Variants in F13A1 observed in about 807,000 individuals in gnomAD.
F13A1 encodes coagulation factor XIII A chain, also known as FSF, A subunit.
F13A1 carries 47 observed loss-of-function variants against 80.1 expected under a neutral mutation model. The observed-to-expected ratio is 0.59, with a 90% CI of 0.46 to 0.75. The LOEUF is 0.75. F13A1 is among the 30% of genes least tolerant of loss of function. The probability of loss-of-function intolerance (pLI) is 0.00; values close to 1 mark genes in which losing one functional copy is unlikely to be tolerated. For missense variants in F13A1, 817 were observed against 930.4 expected (o/e 0.88, Z 1.59); for synonymous variants, 349 against 344.9 (o/e 1.01, Z -0.13).
At chr6:6,152,015 C>T in intron 13 of F13A1, 66 bp from the exon 14 acceptor site, 1 of 1,590,172 alleles carries the variant, frequency 6.3e-7, no homozygotes, top group Non-Finnish European at 8.6e-7. Context: ...GTTGTCTTAA[C>T]CATCATCACT....
At chr6:6,230,413 C>T (rs930369965) in intron 6 of F13A1, among the ~76,000 whole-genome samples, 3 of 152,098 alleles carry the variant, frequency 2.0e-5, no homozygotes, top group Non-Finnish European at 4.4e-5. Flanking sequence ...ATCTCACCCC[C>T]ATCCCCCACA....
intron 8 of F13A1, among the ~76,000 whole-genome samples, chr6:6,218,327 G>C (rs6913876): frequency 9.2e-5 from 14 of 152,214 alleles, no homozygotes; most frequent in African/African-American, 3.4e-4. Context: ...GAGTAGCCCT[G>C]ACTCCCTCCT....
Position 6,224,785 on chromosome 6 carries a change from C to T in F13A1, c.874G>A (p.Ala292Thr). 2 of 1,614,120 alleles carry T rather than the reference C, an allele frequency of 1.2e-6. No individual in the cohort carries two copies. The highest frequency in any genetic ancestry group is 1.7e-5 in the Admixed American group (1 of 60,020). ...AGAATGTCAACGCTTCCAGTCCAGG[C>T]CGATGGGGGGACGCCATAGGCATAG... ...NIYAYGVPPS[A>T]WTGSVDILLE... Residue 292 changes from alanine (A) to threonine (T), a missense_variant, in exon 7 of 15, where the codon GCC becomes ACC. Ala to Thr is a moderately conservative substitution (Grantham distance 58). Coordinates refer to ENST00000264870, the MANE Select transcript of F13A1 (RefSeq NM_000129.4).
chr6:6,221,024 T>C lies in F13A1; in HGVS notation c.1112+1009A>G, dbSNP rs75694483. On this transcript the variant is annotated intron_variant, in intron 8 of 14. Coordinates refer to ENST00000264870, the MANE Select transcript of F13A1 (RefSeq NM_000129.4). The stretch of plus-strand genomic sequence containing the variant: ...TGCTTAAAATGAACTTGTAACTTCC[T>C]ACCATCCCCATTTGGATGCTTGTAT... 8.7e-3 allele frequency among the ~76,000 whole-genome samples: 1,329 copies of C among 152,360 alleles called. 18 individuals are homozygous for C. The highest frequency in any genetic ancestry group is 0.031 in the African/African-American group (1,269 of 41,588).
rs753570651 is a variant in F13A1, at chr6:6,145,648, C to T, written c.2170G>A (p.Val724Met). Reference sequence around the variant, plus strand: ...ATGGAAGGTCGTCTTTGAATCTGCACGTCCAGCTCGCCATACACATGTCTC... The same window carrying T: ...ATGGAAGGTCGTCTTTGAATCTGCATGTCCAGCTCGCCATACACATGTCTC... ...SLRHVYGELD[V>M]QIQRRPSM Residue 724 changes from valine to methionine, a missense_variant, in exon 15 of 15, where the codon GTG (valine) becomes ATG (methionine). Coordinates refer to ENST00000264870, the MANE Select transcript of F13A1 (RefSeq NM_000129.4). 1.5e-5 allele frequency: 24 copies of T among 1,614,036 alleles called. No individual in the cohort carries two copies. Among genetic ancestry groups the T allele is most frequent in the Admixed American group, 6.7e-5 (4 of 60,000 alleles).
chr6:6,247,068 A>G (rs1282643139), intron 6 of F13A1, among the ~76,000 whole-genome samples: 2 of 152,226 alleles, frequency 1.3e-5, no homozygotes, highest in African/African-American at 4.8e-5. Flanking sequence ...TTGGCTTCCC[A>G]TTATGGAATG....
chr6:6,200,524 C>G (rs1180262679), intron 8 of F13A1, among the ~76,000 whole-genome samples: 5 of 148,182 alleles, frequency 3.4e-5, no homozygotes, highest in Non-Finnish European at 7.4e-5. Flanking sequence ...GCACTCCATC[C>G]TGGAAGACAG....
intron 3 of F13A1, among the ~76,000 whole-genome samples, chr6:6,277,122 G>GGCAATAAAATATATAATTATAAA (rs1231817236): frequency 3.4e-4 from 27 of 79,576 alleles, no homozygotes; most frequent in South Asian, 1.0e-3. Flanking sequence ...CTGACACTGT[G>GGCAATAAAATATATAATTATAAA]CAGGAGATCG....
chr6:6,235,650 A>T (rs147732280), intron 6 of F13A1, among the ~76,000 whole-genome samples: 1 of 152,156 alleles, frequency 6.6e-6, no homozygotes, highest in Non-Finnish European at 1.5e-5. Context: ...GTCCGGGAGG[A>T]TATGCAACAC....
intron 6 of F13A1, among the ~76,000 whole-genome samples, chr6:6,234,918 T>C (rs1413574757): frequency 6.6e-6 from 1 of 152,012 alleles, no homozygotes; most frequent in African/African-American, 2.4e-5. Context: ...TTAAGTAGCA[T>C]GACACCATTT....
intron 6 of F13A1, among the ~76,000 whole-genome samples, chr6:6,238,846 G>A (rs550473483): frequency 6.6e-5 from 10 of 152,060 alleles, no homozygotes; most frequent in African/African-American, 2.2e-4. Context: ...AATTAAAAAG[G>A]TTCAAGACAT....
chr6:6,157,943 G>C (rs1760505752), intron 13 of F13A1, among the ~76,000 whole-genome samples: 1 of 152,198 alleles, frequency 6.6e-6, no homozygotes, highest in East Asian at 1.9e-4. Flanking sequence ...CCTGAAGAGA[G>C]AGATGGAAAT....
At chr6:6,276,552 A>G (rs931212434) in intron 3 of F13A1, among the ~76,000 whole-genome samples, 1 of 152,164 alleles carries the variant, frequency 6.6e-6, no homozygotes, top group African/African-American at 2.4e-5. Context: ...TATCACCTTT[A>G]AGGGTTATGT....
chr6:6,153,230 T>C (rs909082566), intron 13 of F13A1, among the ~76,000 whole-genome samples: 1 of 152,128 alleles, frequency 6.6e-6, no homozygotes, highest in Non-Finnish European at 1.5e-5. Context: ...CTATATAATA[T>C]GGGAGAAAAT....
At chr6:6,151,378 G>C (rs4463306) in intron 14 of F13A1, among the ~76,000 whole-genome samples, 32,284 of 152,056 alleles carry the variant, frequency 0.21, 3,515 homozygotes, top group Middle Eastern at 0.28. Context: ...GTATCTCTCA[G>C]CATAATATCT....
intron 8 of F13A1, among the ~76,000 whole-genome samples, chr6:6,211,199 C>T (rs1052797324): frequency 6.6e-5 from 10 of 152,208 alleles, no homozygotes; most frequent in African/African-American, 2.4e-4. Flanking sequence ...CATGTCAGCA[C>T]TTAAATCAGG....
At position 6,294,555 on chromosome 6, in the gene F13A1, C is replaced by T. The variant is rs1197075089; in HGVS notation, c.319+10796G>A. On this transcript the variant is annotated intron_variant, in intron 3 of 14. Coordinates refer to ENST00000264870, the MANE Select transcript of F13A1 (RefSeq NM_000129.4). ...ACACACACACACATATATATATATA[C>T]ACACACGTATATGTACAAACACACA... is the stretch of plus-strand genomic sequence containing the variant. 1.6e-4 allele frequency among the ~76,000 whole-genome samples: 24 copies of T among 148,342 alleles called. No individual in the cohort carries two copies. The South Asian group carries it at 5.1e-3, about 31-fold the overall frequency.
intron 11 of F13A1, among the ~76,000 whole-genome samples, chr6:6,176,635 C>T (rs987387820): frequency 2.0e-5 from 3 of 152,014 alleles, no homozygotes; most frequent in South Asian, 2.1e-4. Context: ...CTAGAGCACT[C>T]GGAGGGAGGT....
chr6:6,198,233 C>G (rs755546373), intron 8 of F13A1, among the ~76,000 whole-genome samples: 16 of 152,124 alleles, frequency 1.1e-4, no homozygotes, highest in Non-Finnish European at 8.8e-5. Context: ...TCATGGAAAA[C>G]TTCTCAGAAA....
Sources: allele counts gnomAD v4.1 joint callset (sites outside exome capture counted in the v4.1 genomes callset), GRCh38; gene constraint gnomAD v4.1.1; transcripts MANE v1.5; gene names NCBI Gene and HGNC (gene_info 2026-07-23, HGNC 2026-07-21).